The following CNTNAP2 variants were observed in gnomAD, a reference collection of about 807,000 sequenced individuals.
The protein encoded by CNTNAP2 is contactin associated protein 2.
Under a neutral mutation model 155.2 loss-of-function variants are expected in CNTNAP2, and 98 were observed. The observed-to-expected ratio is 0.63, with a 90% CI of 0.54 to 0.75. The LOEUF is 0.75. Among genes scored for constraint, CNTNAP2 ranks in the 30% least tolerant of loss-of-function variants. The probability of loss-of-function intolerance (pLI) is 0.00; values close to 1 mark genes in which losing one functional copy is unlikely to be tolerated. For synonymous variants in CNTNAP2, 651 were observed against 631.2 expected, an observed-to-expected ratio of 1.03 and a Z score of -0.47; for missense variants, 1,727 against 1,688.1, an observed-to-expected ratio of 1.02 and a Z score of -0.40.
chr7:147,544,963 T>G (rs984918460), intron 11 of CNTNAP2, among the ~76,000 whole-genome samples: 5 of 151,998 alleles, frequency 3.3e-5, no homozygotes, highest in African/African-American at 1.2e-4. Context: ...CCTTTATAAA[T>G]TACTCAGTCT....
At chr7:147,633,104 C>A (rs563065525) in intron 12 of CNTNAP2, among the ~76,000 whole-genome samples, 2 of 152,340 alleles carry the variant, frequency 1.3e-5, no homozygotes, top group East Asian at 1.9e-4. Context: ...AGGGAAAAAT[C>A]TTTTGTGTGT....
At chr7:148,018,516 G>T (rs186060665) in intron 15 of CNTNAP2, among the ~76,000 whole-genome samples, 4 of 152,324 alleles carry the variant, frequency 2.6e-5, no homozygotes, top group Non-Finnish European at 5.9e-5. Flanking sequence ...AACCAGAAGT[G>T]TATGAAACAA....
chr7:147,250,910 T>C (rs573862267), intron 8 of CNTNAP2, among the ~76,000 whole-genome samples: 3 of 152,266 alleles, frequency 2.0e-5, no homozygotes, highest in Admixed American at 2.0e-4. Flanking sequence ...GGCTATCTCA[T>C]GTTTTCTCTT....
intron 13 of CNTNAP2, among the ~76,000 whole-genome samples, chr7:147,697,816 T>C (rs528897947): frequency 2.9e-4 from 44 of 152,302 alleles, no homozygotes; most frequent in Admixed American, 7.2e-4. Context: ...AAGGCTGTGA[T>C]GTATTTCAAA....
At chr7:148,330,377 T>C (rs1249245613) in intron 21 of CNTNAP2, among the ~76,000 whole-genome samples, 3 of 147,628 alleles carry the variant, frequency 2.0e-5, no homozygotes, top group African/African-American at 7.6e-5. Flanking sequence ...GATGGATAGA[T>C]GGAGTGGACG....
chr7:148,156,244 G>A (rs1249545487), intron 17 of CNTNAP2, among the ~76,000 whole-genome samples: 1 of 152,176 alleles, frequency 6.6e-6, no homozygotes, highest in Non-Finnish European at 1.5e-5. Context: ...TTTTGTTTTT[G>A]TTTTGTTTTG....
chr7:146,725,437 G>C lies in CNTNAP2; in HGVS notation c.98-48834G>C, dbSNP rs541258962. Among the ~76,000 whole-genome samples the C allele has an allele frequency of 2.0e-5, 3 of 152,192 alleles. No individual in the cohort carries two copies. In the East Asian group the frequency reaches 5.8e-4, roughly 29 times the overall value. On this transcript the variant is annotated intron_variant, in intron 1 of 23. Coordinates refer to ENST00000361727, the MANE Select transcript of CNTNAP2 (RefSeq NM_014141.6). ...CCTGGGTTTGGGACAAGCTAATTTG[G>C]GGAAATATTTAGTTTATAGTTAAAT...
chr7:148,181,741 C>CTTTTTTTTT lies in CNTNAP2; in HGVS notation c.3010+9289_3010+9297dup, dbSNP rs71527884. ...ATAACTTTTGTTTCAAGTGTGTGCCCTTTTTTTTTTTTTTTTTTTTTTTTT... is the reference window on the plus strand; with the variant it reads ...ATAACTTTTGTTTCAAGTGTGTGCCCTTTTTTTTTTTTTTTTTTTTTTTTTTTTTTTTTT... On this transcript the variant is annotated intron_variant, in intron 18 of 23. Transcript: ENST00000361727. Among the ~76,000 whole-genome samples the CTTTTTTTTT allele has an allele frequency of 5.5e-4, 27 of 48,664 alleles. 1 individual carries two copies. The highest frequency in any genetic ancestry group is 2.4e-3 in the South Asian group (2 of 834). 31.9% of individuals were successfully genotyped at this position (48,664 alleles called of 152,430 possible).
intron 12 of CNTNAP2, among the ~76,000 whole-genome samples, chr7:147,614,589 AC>A (rs1801246704): frequency 1.3e-5 from 2 of 151,564 alleles, no homozygotes; most frequent in Non-Finnish European, 2.9e-5. Flanking sequence ...CATCTTCTCT[AC>A]AATTCTTAGG....
intron 1 of CNTNAP2, among the ~76,000 whole-genome samples, chr7:146,770,165 C>T (rs938731662): frequency 6.6e-6 from 1 of 151,896 alleles, no homozygotes; most frequent in Non-Finnish European, 1.5e-5. Context: ...TTTTATTACT[C>T]TTTTGTTGCT....
At chr7:146,537,723 C>T (rs1797891028) in intron 1 of CNTNAP2, among the ~76,000 whole-genome samples, 1 of 151,968 alleles carries the variant, frequency 6.6e-6, no homozygotes, top group African/African-American at 2.4e-5. Flanking sequence ...GCATTTCAGG[C>T]AGAGTTGGAA....
At chr7:147,206,315 A>C (rs1803022938) in intron 8 of CNTNAP2, among the ~76,000 whole-genome samples, 1 of 151,362 alleles carries the variant, frequency 6.6e-6, no homozygotes, top group African/African-American at 2.4e-5. Flanking sequence ...CTGTAATCCC[A>C]GCACTTTGGG....
chr7:147,933,483 A>G (rs1379001986), intron 14 of CNTNAP2, among the ~76,000 whole-genome samples: 1 of 147,278 alleles, frequency 6.8e-6, no homozygotes, highest in Non-Finnish European at 1.5e-5. Context: ...ATGAATGGAT[A>G]CAGAAAATGT....
chr7:147,516,027 C>T (rs1004458405), intron 11 of CNTNAP2, among the ~76,000 whole-genome samples: 3 of 152,132 alleles, frequency 2.0e-5, no homozygotes, highest in Non-Finnish European at 4.4e-5. Flanking sequence ...CAAACCATTT[C>T]TTACTGGAAA....
rs142405956 is a variant in CNTNAP2, at chr7:147,204,919, T to C, written c.1348+72410T>C. Among the ~76,000 whole-genome samples, 513 of 152,286 alleles carry C rather than the reference T, an allele frequency of 3.4e-3. 5 individuals carry two copies. Among genetic ancestry groups the C allele is most frequent in the African/African-American group, 0.011 (466 of 41,570 alleles). ...ACAAATGTACCAATAAGTTGCCTTG[T>C]TTAACATATTAAAGTAATAAATGGG... On this transcript the variant is annotated intron_variant, in intron 8 of 23. Coordinates refer to ENST00000361727, the MANE Select transcript of CNTNAP2 (RefSeq NM_014141.6).
At chr7:146,719,161 C>A (rs923445852) in intron 1 of CNTNAP2, among the ~76,000 whole-genome samples, 3 of 152,140 alleles carry the variant, frequency 2.0e-5, no homozygotes, top group African/African-American at 4.8e-5. Context: ...CTTTTCAATT[C>A]TTGCACCTGA....
chr7:147,984,886 G>A (rs921662186), intron 15 of CNTNAP2, among the ~76,000 whole-genome samples: 2 of 152,002 alleles, frequency 1.3e-5, no homozygotes, highest in Admixed American at 6.6e-5. Flanking sequence ...AGGCTGAGGC[G>A]GATGGATCAC....
intron 1 of CNTNAP2, among the ~76,000 whole-genome samples, chr7:146,225,324 G>T (rs1026683122): frequency 6.6e-6 from 1 of 152,140 alleles, no homozygotes; most frequent in Admixed American, 6.5e-5. Context: ...AGAGAAAAAT[G>T]CTTGAAAATA....
rs149938882 is a variant in CNTNAP2 at position 147,541,463 on chromosome 7, T to C, written c.1778-20675T>C. 4.3e-4 allele frequency among the ~76,000 whole-genome samples: 66 copies of C among 152,268 alleles called. 1 individual carries two copies. Among genetic ancestry groups the C allele is most frequent in the Middle Eastern group, 6.8e-3 (2 of 294 alleles). Reference sequence around the variant, plus strand: ...GAGCTCAAACAGCTGTTGTTGTTGTTGTCGTAATATAAGTAGTTACAGTGA... The same window carrying C: ...GAGCTCAAACAGCTGTTGTTGTTGTCGTCGTAATATAAGTAGTTACAGTGA... On this transcript the variant is annotated intron_variant, in intron 11 of 23. Transcript: ENST00000361727.
Sources: gnomAD v4.1 joint callset for allele counts (sites outside exome capture counted in the v4.1 genomes callset) on GRCh38, gnomAD v4.1.1 for gene constraint, MANE v1.5 for transcripts, NCBI Gene and HGNC (gene_info 2026-07-23, HGNC 2026-07-21) for gene names.